Variants in COG7 observed in about 807,000 individuals in gnomAD.
COG7 encodes the protein conserved oligomeric Golgi complex subunit 7.
In COG7, 49 loss-of-function variants were observed where a neutral mutation model predicts 91.5. The ratio of observed to expected loss-of-function variants is 0.54; its 90% confidence interval spans 0.43 to 0.68. The LOEUF is 0.68. Ranked by LOEUF, COG7 falls within the 30% of genes least tolerant of loss-of-function variation. The pLI, the probability that COG7 is intolerant of heterozygous loss-of-function variation, is 0.00. For missense variants in COG7, 895 were observed against 961.3 expected (o/e 0.93, Z 0.91); for synonymous variants, 365 against 388.7 (o/e 0.94, Z 0.72).
At chr16:23,410,130 G>A (rs777826907) in intron 11 of COG7, among the ~76,000 whole-genome samples, 165 bp downstream of exon 11, 4 of 152,114 alleles carry the variant, frequency 2.6e-5, no homozygotes, top group Non-Finnish European at 4.4e-5. Context: ...CTCAATAAAC[G>A]TTTAATGATG....
rs563893263 is a variant in COG7 at position 23,406,689 on chromosome 16, G to A, written c.1476-427C>T. ...CGCTGGGCAGGATAGCAGCTGGCTG[G>A]CTCCTAGAGAACAGTGACAGCAGCT... On this transcript the variant is annotated intron_variant, in intron 11 of 16. Coordinates refer to ENST00000307149, the MANE Select transcript of COG7 (RefSeq NM_153603.4). Among the ~76,000 whole-genome samples, 5 of 152,286 alleles carry A rather than the reference G, an allele frequency of 3.3e-5. No homozygotes were observed. The South Asian group carries it at 1.0e-3, about 32-fold the overall frequency.
intron 6 of COG7, among the ~76,000 whole-genome samples, chr16:23,426,818 C>CAAAAAAAAAAA (rs1176659874): frequency 1.7e-5 from 1 of 60,290 alleles, no homozygotes; most frequent in Non-Finnish European, 3.3e-5. Flanking sequence ...AGCAATTGGA[C>CAAAAAAAAAAA]AAAAAAAAAA....
chr16:23,450,722 T>C (rs538392769), intron 1 of COG7, among the ~76,000 whole-genome samples: 21 of 152,050 alleles, frequency 1.4e-4, no homozygotes, highest in Admixed American at 2.0e-4. Flanking sequence ...GTCCCAGTTA[T>C]TCAGGAGGCT....
Position 23,434,719 on chromosome 16 carries a change from C to G in COG7, c.605-1G>C. On this transcript the variant is annotated splice_acceptor_variant, in intron 4 of 16. Coordinates refer to ENST00000307149, the MANE Select transcript of COG7 (RefSeq NM_153603.4). LOFTEE classifies it high-confidence loss of function. ...ACCTTCACAAACACTTTGGACTGAT[C>G]TAAAGAACATACAATGTATATATAC... 1 of 1,607,074 alleles carries G rather than the reference C, an allele frequency of 6.2e-7. No individual in the cohort carries two copies. The highest frequency in any genetic ancestry group is 1.1e-5 in the South Asian group (1 of 90,932).
intron 1 of COG7, 112 bp from the exon 2 acceptor site, chr16:23,446,073 A>AT (rs1964178146): frequency 7.7e-7 from 1 of 1,296,760 alleles, no homozygotes; most frequent in African/African-American, 1.5e-5. Flanking sequence ...CAGAAAGGAA[A>AT]TGCACGACCA....
At chr16:23,389,211 C>T (rs901958905) in intron 16 of COG7, 125 bp from the exon 17 acceptor site, 7 of 1,149,228 alleles carry the variant, frequency 6.1e-6, no homozygotes, top group African/African-American at 4.6e-5. Context: ...AGATGTGGGG[C>T]GCCAACCCTG....
chr16:23,411,701 C>T (rs987646497), intron 10 of COG7, among the ~76,000 whole-genome samples: 61 of 152,268 alleles, frequency 4.0e-4, no homozygotes, highest in African/African-American at 1.3e-3. Flanking sequence ...ATCTACCCAA[C>T]GGCCTTGGGT....
At chr16:23,413,156 G>A (rs1045893202) in intron 10 of COG7, 1 of 366,304 alleles carries the variant, frequency 2.7e-6, no homozygotes, top group African/African-American at 2.1e-5. Context: ...ACGCTAAGGT[G>A]GGGGTAAAAA....
chr16:23,435,663 T>G (rs978823224), intron 4 of COG7, among the ~76,000 whole-genome samples: 1 of 122,144 alleles, frequency 8.2e-6, no homozygotes, highest in South Asian at 2.4e-4. Flanking sequence ...GCCTTAGAAC[T>G]ATATCAAAAG....
At chr16:23,405,517 CTTT>C (rs869133051) in intron 12 of COG7, among the ~76,000 whole-genome samples, 9 of 139,130 alleles carry the variant, frequency 6.5e-5, no homozygotes, top group Non-Finnish European at 7.9e-5. Flanking sequence ...CTCTTTTTTC[CTTT>C]TTTTTTTTTT....
intron 4 of COG7, among the ~76,000 whole-genome samples, chr16:23,438,505 C>T (rs1964047618): frequency 6.6e-6 from 1 of 152,090 alleles, no homozygotes; most frequent in South Asian, 2.1e-4. Flanking sequence ...CTGCGGTGAG[C>T]CATGATTGCA....
At chr16:23,431,975 T>G (rs1353222452) in intron 6 of COG7, among the ~76,000 whole-genome samples, 6 of 151,690 alleles carry the variant, frequency 4.0e-5, no homozygotes, top group Non-Finnish European at 8.8e-5. Flanking sequence ...GATCCTTATC[T>G]CTACAAAAAA....
intron 13 of COG7, among the ~76,000 whole-genome samples, chr16:23,403,239 A>G (rs1014129372): frequency 6.6e-6 from 1 of 152,206 alleles, no homozygotes; most frequent in Non-Finnish European, 1.5e-5. Flanking sequence ...GAAAGAAAGG[A>G]ACAGAACCCT....
intron 6 of COG7, 129 bp from the exon 7 acceptor site, chr16:23,425,076 A>T: frequency 1.3e-6 from 1 of 770,264 alleles, no homozygotes; most frequent in Admixed American, 2.2e-5. Context: ...TTGGGAGGCC[A>T]AGGAAGGTGG....
chr16:23,449,148 G>A (rs1263337280), intron 1 of COG7, among the ~76,000 whole-genome samples: 1 of 151,968 alleles, frequency 6.6e-6, no homozygotes, highest in Non-Finnish European at 1.5e-5. Context: ...TGGATCACAA[G>A]GTCAGGAGAT....
intron 13 of COG7, among the ~76,000 whole-genome samples, chr16:23,400,640 G>A (rs190438185): frequency 2.6e-5 from 4 of 152,258 alleles, no homozygotes; most frequent in East Asian, 1.9e-4. Flanking sequence ...TGGAAGAAGC[G>A]CAAGACAGAG....
intron 6 of COG7, among the ~76,000 whole-genome samples, chr16:23,428,596 C>T (rs566884388): frequency 3.9e-5 from 6 of 152,044 alleles, no homozygotes; most frequent in African/African-American, 1.4e-4. Flanking sequence ...ATGTCAACAC[C>T]TAATTTTGGC....
chr16:23,435,223 T>C (rs1340592845), intron 4 of COG7, among the ~76,000 whole-genome samples: 2 of 151,950 alleles, frequency 1.3e-5, no homozygotes, highest in Non-Finnish European at 2.9e-5. Context: ...AAAAATTAGC[T>C]GAGCGTGGTG....
chr16:23,398,931 A>G (rs1963329418), intron 13 of COG7, among the ~76,000 whole-genome samples: 1 of 152,160 alleles, frequency 6.6e-6, no homozygotes, highest in African/African-American at 2.4e-5. Context: ...ACCTGTGCAC[A>G]TGTGCTCACA....
Sources: gnomAD v4.1 joint callset for allele counts (sites outside exome capture counted in the v4.1 genomes callset) on GRCh38, gnomAD v4.1.1 for gene constraint, MANE v1.5 for transcripts, NCBI Gene and HGNC (gene_info 2026-07-23, HGNC 2026-07-21) for gene names.